Variants in TYR observed in about 807,000 individuals in gnomAD.
The protein encoded by TYR is LB24-AB.
TYR carries 58 observed loss-of-function variants against 51.5 expected under a neutral mutation model. The observed-to-expected ratio is 1.13, with a 90% CI of 0.91 to 1.40. TYR has a LOEUF of 1.40. TYR is among the 40% of genes most tolerant of loss of function. The probability of loss-of-function intolerance (pLI) is 0.00; values close to 1 mark genes in which losing one functional copy is unlikely to be tolerated. For synonymous variants in TYR, 263 were observed against 235.2 expected (o/e 1.12, Z -1.08); for missense variants, 732 against 647.4 (o/e 1.13, Z -1.42).
At chr11:89,187,799 A>C (rs1435942864) in intron 1 of TYR, among the ~76,000 whole-genome samples, 3 of 152,066 alleles carry the variant, frequency 2.0e-5, no homozygotes, top group Admixed American at 1.3e-4. Context: ...TCTTTGTGTC[A>C]GGCACCATAC....
Position 89,178,139 on chromosome 11 carries a change from T to C in TYR, c.186T>C (p.Asn62=). ...RGSCQNILLS[N]APLGPQFPFT... is the part of the protein sequence containing the mutation. The stretch of plus-strand genomic sequence containing the variant: ...CCTGTCAGAATATCCTTCTGTCCAA[T>C]GCACCACTTGGGCCTCAATTTCCCT... The change falls in exon 1 of 5, where the codon AAT becomes AAC. Residue 62 remains asparagine, a synonymous_variant. Coordinates refer to ENST00000263321, the MANE Select transcript of TYR (RefSeq NM_000372.5). 6.2e-7 allele frequency: 1 copy of C among 1,614,196 alleles called. No homozygotes were observed. Among genetic ancestry groups the C allele is most frequent in the South Asian group, 1.1e-5 (1 of 91,084 alleles).
In TYR at chr11:89,184,206, C is replaced by T. The variant is rs573016145; in HGVS notation, c.819+5434C>T. ...CTCGTTAGTAATACCTCCAGTCATC[C>T]GAACACTTAGTCACTTGGCAGTTGG... On this transcript the variant is annotated intron_variant, in intron 1 of 4. Coordinates refer to ENST00000263321, the MANE Select transcript of TYR (RefSeq NM_000372.5). 5.8e-4 allele frequency among the ~76,000 whole-genome samples: 88 copies of T among 151,428 alleles called. 1 individual carries two copies. The highest frequency in any genetic ancestry group is 2.1e-3 in the African/African-American group (87 of 40,816).
At chr11:89,270,096 T>A (rs187368321) in intron 3 of TYR, among the ~76,000 whole-genome samples, 23 of 152,040 alleles carry the variant, frequency 1.5e-4, no homozygotes, top group Non-Finnish European at 4.4e-5. Flanking sequence ...ACTAATTACC[T>A]TTCATGCAAA....
intron 3 of TYR, among the ~76,000 whole-genome samples, chr11:89,261,840 T>C (rs1944459852): frequency 6.6e-6 from 1 of 151,906 alleles, no homozygotes; most frequent in South Asian, 2.1e-4. Flanking sequence ...ATTGAAATCA[T>C]ACAAGGTATA....
In TYR at chr11:89,180,216, G is replaced by T. The variant is rs538612373; in HGVS notation, c.819+1444G>T. The stretch of plus-strand genomic sequence containing the variant: ...GACCTCCTACCTTAATCTATAATGT[G>T]CAAACTCTCATCTAGCTCTTATATC... On this transcript the variant is annotated intron_variant, in intron 1 of 4. Transcript: ENST00000263321. 2.0e-5 allele frequency among the ~76,000 whole-genome samples: 3 copies of T among 152,280 alleles called. No homozygotes were observed. In the South Asian group the frequency reaches 6.2e-4, roughly 32 times the overall value.
At chr11:89,294,303 G>C (rs1387536073) in intron 4 of TYR, 1 of 152,522 alleles carries the variant, frequency 6.6e-6, no homozygotes, top group African/African-American at 2.4e-5. Flanking sequence ...TTCATTTCAG[G>C]CTTTTGGGGT....
intron 3 of TYR, among the ~76,000 whole-genome samples, chr11:89,236,152 A>G (rs1024623194): frequency 3.3e-5 from 5 of 151,986 alleles, no homozygotes; most frequent in African/African-American, 4.8e-5. Context: ...GCAATGCGGA[A>G]AATATTTAAT....
chr11:89,249,677 A>G (rs1258684470), intron 3 of TYR, among the ~76,000 whole-genome samples: 1 of 152,040 alleles, frequency 6.6e-6, no homozygotes, highest in African/African-American at 2.4e-5. Flanking sequence ...TCACAAAATA[A>G]GGAGCATTTT....
At chr11:89,221,678 T>C (rs1943913115) in intron 2 of TYR, among the ~76,000 whole-genome samples, 1 of 152,164 alleles carries the variant, frequency 6.6e-6, no homozygotes, top group Non-Finnish European at 1.5e-5. Context: ...GGAGAGTAAA[T>C]TGGAGGAATA....
chr11:89,229,250 T>C (rs555483679), intron 3 of TYR, among the ~76,000 whole-genome samples: 4 of 152,008 alleles, frequency 2.6e-5, no homozygotes, highest in Non-Finnish European at 5.9e-5. Flanking sequence ...TAACAGTCTG[T>C]GTTAAGTTTT....
At chr11:89,233,860 G>A (rs1458604359) in intron 3 of TYR, among the ~76,000 whole-genome samples, 3 of 109,950 alleles carry the variant, frequency 2.7e-5, no homozygotes, top group African/African-American at 1.9e-4. Context: ...TAGATTTAGA[G>A]TATTTCATAA....
rs147558085 is a variant in TYR at position 89,182,730 on chromosome 11, G to A, written c.819+3958G>A. On this transcript the variant is annotated intron_variant, in intron 1 of 4. Transcript: ENST00000263321. Reference sequence around the variant, plus strand: ...AAAATAGTTCATTATATTTGGAGGTGGAGGGTTGCTTAATAACATTTAAGT... The same window carrying A: ...AAAATAGTTCATTATATTTGGAGGTAGAGGGTTGCTTAATAACATTTAAGT... Among the ~76,000 whole-genome samples, 59 of 152,172 alleles carry A rather than the reference G, an allele frequency of 3.9e-4. No homozygotes were observed. In the East Asian group the frequency reaches 0.01, roughly 27 times the overall value.
Position 89,295,249 on chromosome 11 carries a change from G to T in TYR, c.1473G>T (p.Leu491=), listed in dbSNP as rs753969940. The part of the protein sequence containing the change: ...AAMVGAVLTA[L]LAGLVSLLCR... ...TGGTAGGGGCCGTCCTCACTGCCCTGCTGGCAGGGCTTGTGAGCTTGCTGT... is the reference window on the plus strand; with the variant it reads ...TGGTAGGGGCCGTCCTCACTGCCCTTCTGGCAGGGCTTGTGAGCTTGCTGT... Residue 491 remains leucine, a synonymous_variant, in exon 5 of 5, where the codon CTG becomes CTT. Coordinates refer to ENST00000263321, the MANE Select transcript of TYR (RefSeq NM_000372.5). The T allele has an allele frequency of 2.5e-6, 4 of 1,613,978 alleles. No homozygotes were observed. Among genetic ancestry groups the T allele is most frequent in the Admixed American group, 1.7e-5 (1 of 60,016 alleles).
chr11:89,275,222 G>A (rs574690621), intron 3 of TYR, among the ~76,000 whole-genome samples: 122 of 152,016 alleles, frequency 8.0e-4, no homozygotes, highest in African/African-American at 2.7e-3. Flanking sequence ...ATTCTGTCAC[G>A]TAAGGTGAAA....
At chr11:89,183,577 G>A (rs1019825588) in intron 1 of TYR, among the ~76,000 whole-genome samples, 1 of 151,982 alleles carries the variant, frequency 6.6e-6, no homozygotes, top group Non-Finnish European at 1.5e-5. Context: ...TACTTACTTA[G>A]CTACAAGACC....
Position 89,191,162 on chromosome 11 carries a change from G to A in TYR, c.820-40G>A, listed in dbSNP as rs748615977. On this transcript the variant is annotated intron_variant, in intron 1 of 4. Transcript: ENST00000263321. ...TTCTGCCTTCTCCTACTGACTCAGTGGTGGTGACAATTTGTTTAACATGAG... is the reference window on the plus strand; with the variant it reads ...TTCTGCCTTCTCCTACTGACTCAGTAGTGGTGACAATTTGTTTAACATGAG... 1.9e-6 allele frequency: 3 copies of A among 1,584,312 alleles called. No individual in the cohort carries two copies. In the South Asian group the frequency reaches 3.3e-5, roughly 18 times the overall value.
intron 2 of TYR, among the ~76,000 whole-genome samples, chr11:89,214,752 CAGAGCCA>C (rs1943811383): frequency 6.6e-6 from 1 of 152,106 alleles, no homozygotes; most frequent in African/African-American, 2.4e-5. Flanking sequence ...CACCAAATAT[CAGAGCCA>C]AGGGATGAAC....
In TYR at chr11:89,227,847, T is replaced by G. The variant is rs763127567; in HGVS notation, c.1061T>G (p.Ile354Arg). 1.9e-6 allele frequency: 3 copies of G among 1,613,334 alleles called. No homozygotes were observed. The highest frequency in any genetic ancestry group is 4.5e-5 in the East Asian group (2 of 44,830). ...GGATTTGCTAGTCCACTTACTGGGA[T>G]AGCGGATGCCTCTCAAAGCAGCATG... The part of the protein sequence containing the change: ...LEGFASPLTG[I>R]ADASQSSMHN... The change falls in exon 3 of 5, where the codon ATA (isoleucine) becomes AGA (arginine). Residue 354 changes from isoleucine (I) to arginine (R), a missense_variant. Ile to Arg is a moderately conservative substitution (Grantham distance 97). Coordinates refer to ENST00000263321, the MANE Select transcript of TYR (RefSeq NM_000372.5).
intron 3 of TYR, among the ~76,000 whole-genome samples, chr11:89,243,383 T>C (rs1944224673): frequency 2.0e-5 from 3 of 152,184 alleles, no homozygotes; most frequent in Admixed American, 1.3e-4. Context: ...CCTATACTTA[T>C]AAGTCAAGAG....
Sources: gnomAD v4.1 joint callset for allele counts (sites outside exome capture counted in the v4.1 genomes callset) on GRCh38, gnomAD v4.1.1 for gene constraint, MANE v1.5 for transcripts, NCBI Gene and HGNC (gene_info 2026-07-23, HGNC 2026-07-21) for gene names.